Variants in CSMD1 observed in about 807,000 individuals in gnomAD.
CSMD1 encodes the protein CUB and sushi domain-containing protein 1.
In CSMD1, 213 loss-of-function variants were observed where a neutral mutation model predicts 417.5. The observed-to-expected ratio is 0.51, with a 90% confidence interval of 0.46 to 0.57. The LOEUF is 0.57. Ranked by LOEUF, CSMD1 falls within the 20% of genes least tolerant of loss-of-function variation. CSMD1 has a pLI of 0.00. For synonymous variants in CSMD1, 2,862 were observed against 1,736.8 expected (o/e 1.65, Z -16.11); for missense variants, 6,923 against 4,529.7 (o/e 1.53, Z -15.17).
intron 5 of CSMD1, among the ~76,000 whole-genome samples, chr8:3,917,929 A>ATTTAAAATCTAATTTTAAATG (rs1378987362): frequency 6.6e-6 from 1 of 152,184 alleles, no homozygotes; most frequent in Admixed American, 6.5e-5. Context: ...TTTTTTAAGC[A>ATTTAAAATCTAATTTTAAATG]TTTAAAATCT....
intron 5 of CSMD1, among the ~76,000 whole-genome samples, chr8:3,878,695 G>A (rs530967571): frequency 6.6e-6 from 1 of 152,274 alleles, no homozygotes; most frequent in Admixed American, 6.5e-5. Flanking sequence ...TTGCTAGTAT[G>A]TCTGATGCTT....
chr8:3,396,101 C>T (rs1811680341), intron 17 of CSMD1, 93 bp downstream of exon 17: 2 of 1,075,522 alleles, frequency 1.9e-6, no homozygotes, highest in African/African-American at 1.6e-5. Flanking sequence ...AGTAAACTAG[C>T]ACAGTCATCT....
At chr8:4,271,291 G>A (rs1027151951) in intron 3 of CSMD1, among the ~76,000 whole-genome samples, 25 of 152,138 alleles carry the variant, frequency 1.6e-4, no homozygotes, top group African/African-American at 5.3e-4. Flanking sequence ...CCTAACAGCA[G>A]GCAACCATCA....
At chr8:4,936,213 T>A (rs1053751037) in intron 1 of CSMD1, among the ~76,000 whole-genome samples, 2 of 152,176 alleles carry the variant, frequency 1.3e-5, no homozygotes, top group Non-Finnish European at 2.9e-5. Flanking sequence ...TTCCATATAA[T>A]AAAGATTAGT....
At chr8:3,401,511 T>C (rs1585109495) in intron 15 of CSMD1, among the ~76,000 whole-genome samples, 1 of 152,208 alleles carries the variant, frequency 6.6e-6, no homozygotes, top group East Asian at 1.9e-4. Flanking sequence ...ATAATAATGA[T>C]CTCAGTAAGT....
intron 3 of CSMD1, among the ~76,000 whole-genome samples, chr8:4,303,320 T>C (rs1418769436): frequency 1.3e-5 from 2 of 151,964 alleles, no homozygotes; most frequent in Non-Finnish European, 2.9e-5. Flanking sequence ...CACTGACAAA[T>C]GTATTAAAGG....
chr8:3,439,309 A>ATATATATATATATATATATATATTTTTT, intron 12 of CSMD1, among the ~76,000 whole-genome samples: 8 of 62,432 alleles, frequency 1.3e-4, no homozygotes, highest in East Asian at 5.7e-4. Context: ...ATATATATAT[A>ATATATATATATATATATATATATTTTTT]TTTTTTTTTT....
chr8:4,426,706 C>A (rs1270068574), intron 2 of CSMD1, among the ~76,000 whole-genome samples: 1 of 146,036 alleles, frequency 6.8e-6, no homozygotes, highest in East Asian at 2.0e-4. Flanking sequence ...TTATATAATG[C>A]AGTAATATTT....
At chr8:4,755,249 T>C (rs997238460) in intron 1 of CSMD1, among the ~76,000 whole-genome samples, 11 of 152,256 alleles carry the variant, frequency 7.2e-5, no homozygotes, top group African/African-American at 2.7e-4. Context: ...TTTATACTCA[T>C]GTAGGACAAT....
At chr8:4,610,903 TGAG>T (rs1331793035) in intron 2 of CSMD1, among the ~76,000 whole-genome samples, 1 of 152,202 alleles carries the variant, frequency 6.6e-6, no homozygotes, top group Non-Finnish European at 1.5e-5. Context: ...TAATTGTCCA[TGAG>T]GAGTTATAAT....
chr8:4,147,977 G>C (rs1463609804), intron 3 of CSMD1, among the ~76,000 whole-genome samples: 3 of 152,236 alleles, frequency 2.0e-5, no homozygotes, highest in African/African-American at 7.2e-5. Context: ...CCAAAGCCCT[G>C]AGTAGAGGTT....
intron 3 of CSMD1, among the ~76,000 whole-genome samples, chr8:4,132,556 T>C (rs1404613976): frequency 6.6e-6 from 1 of 152,172 alleles, no homozygotes. Flanking sequence ...GGGCAATAAA[T>C]AAGGCCCTTT....
intron 20 of CSMD1, among the ~76,000 whole-genome samples, chr8:3,365,236 C>T (rs1809478429): frequency 6.6e-6 from 1 of 152,142 alleles, no homozygotes; most frequent in Non-Finnish European, 1.5e-5. Flanking sequence ...TCCAAGAAAT[C>T]AAGTGGTCTG....
chr8:4,086,010 C>G (rs929293247), intron 3 of CSMD1, among the ~76,000 whole-genome samples: 4 of 152,144 alleles, frequency 2.6e-5, no homozygotes, highest in Non-Finnish European at 5.9e-5. Context: ...GGAGCAAGGA[C>G]TAACAAAGGT....
At chr8:4,146,354 T>G (rs1248004669) in intron 3 of CSMD1, among the ~76,000 whole-genome samples, 1 of 150,720 alleles carries the variant, frequency 6.6e-6, no homozygotes, top group African/African-American at 2.5e-5. Context: ...CTGATAAGCT[T>G]CAGCCCAACA....
At chr8:4,405,513 C>A (rs77880887) in intron 3 of CSMD1, among the ~76,000 whole-genome samples, 1 of 151,872 alleles carries the variant, frequency 6.6e-6, no homozygotes, top group Admixed American at 6.6e-5. Flanking sequence ...CCCAGCACAG[C>A]GGCTTAACAA....
At chr8:3,047,536 A>G (rs1811539961) in intron 50 of CSMD1, among the ~76,000 whole-genome samples, 1 of 152,160 alleles carries the variant, frequency 6.6e-6, no homozygotes, top group Admixed American at 6.5e-5. Flanking sequence ...GCCTGTACCA[A>G]TAATGTCTCT....
At chr8:3,247,564 C>A (rs77397148) in intron 26 of CSMD1, among the ~76,000 whole-genome samples, 5 of 152,198 alleles carry the variant, frequency 3.3e-5, no homozygotes, top group African/African-American at 7.2e-5. Flanking sequence ...GTCTTGAATA[C>A]GCAGAGGATG....
chr8:4,038,730 A>T (rs942941480), intron 3 of CSMD1, among the ~76,000 whole-genome samples: 2 of 152,190 alleles, frequency 1.3e-5, no homozygotes, highest in African/African-American at 4.8e-5. Context: ...AGGTGATGGG[A>T]ATTCTGCGCC....
Sources: allele counts gnomAD v4.1 joint callset (sites outside exome capture counted in the v4.1 genomes callset), GRCh38; gene constraint gnomAD v4.1.1; transcripts MANE v1.5; gene names NCBI Gene and HGNC (gene_info 2026-07-23, HGNC 2026-07-21).